SLC6A11: variants seen among roughly 807,000 people sequenced by gnomAD.
The protein encoded by SLC6A11 is solute carrier family 6 member 11.
SLC6A11 carries 25 observed loss-of-function variants against 74.8 expected under a neutral mutation model. That is an observed-to-expected ratio of 0.33 (90% CI 0.24 to 0.47). The LOEUF (loss-of-function observed/expected upper bound fraction) is 0.47, where lower values mean the gene tolerates loss of function less well. Among genes scored for constraint, SLC6A11 ranks in the 20% least tolerant of loss-of-function variants. The pLI is 1.00. For missense variants in SLC6A11, 574 were observed against 837.0 expected, an observed-to-expected ratio of 0.69 and a Z score of 3.88; for synonymous variants, 330 against 330.2, an observed-to-expected ratio of 1.00 and a Z score of 0.01.
At chr3:10,933,990 C>A in intron 11 of SLC6A11, 76 bp from the exon 12 acceptor site, 2 of 969,626 alleles carry the variant, frequency 2.1e-6, no homozygotes, top group African/African-American at 1.6e-5. Context: ...AAAGCAAACA[C>A]TCCTAGCCAT....
chr3:10,912,747 G>A (rs567315692), intron 7 of SLC6A11, among the ~76,000 whole-genome samples: 22 of 152,268 alleles, frequency 1.4e-4, no homozygotes, highest in African/African-American at 3.4e-4. Context: ...CCTCTCACAC[G>A]TGCAGCTTGA....
intron 4 of SLC6A11, among the ~76,000 whole-genome samples, chr3:10,835,248 C>T (rs894775268): frequency 9.2e-5 from 14 of 152,198 alleles, no homozygotes; most frequent in African/African-American, 2.7e-4. Flanking sequence ...GTGACCTGGG[C>T]AGCATTTTTA....
chr3:10,901,547 C>T (rs529053853), intron 6 of SLC6A11, among the ~76,000 whole-genome samples: 1 of 152,230 alleles, frequency 6.6e-6, no homozygotes, highest in Non-Finnish European at 1.5e-5. Flanking sequence ...GGCTGCAGAA[C>T]ATATTTCCAG....
rs1435396533 is a variant in SLC6A11, at chr3:10,819,923, C to T, written c.532+71C>T. The T allele has an allele frequency of 4.6e-6, 7 of 1,529,916 alleles. No individual in the cohort carries two copies. In the East Asian group the frequency reaches 6.7e-5, roughly 15 times the overall value. 94.8% of individuals were successfully genotyped at this position (1,529,916 alleles called of 1,614,324 possible). ...GGGATTGGGGTTTGTTCATGCCCTT[C>T]AGGCCAGTCCTGGTCCCTGGCCTCT... On this transcript the variant is annotated intron_variant, in intron 3 of 13. Transcript: ENST00000254488.
chr3:10,887,057 A>G (rs1219283379), intron 6 of SLC6A11, among the ~76,000 whole-genome samples: 1 of 152,176 alleles, frequency 6.6e-6, no homozygotes, highest in Non-Finnish European at 1.5e-5. Flanking sequence ...CACTGGATGA[A>G]TGTATGGACA....
At chr3:10,900,261 A>T (rs547354612) in intron 6 of SLC6A11, among the ~76,000 whole-genome samples, 31 of 152,280 alleles carry the variant, frequency 2.0e-4, no homozygotes, top group African/African-American at 7.2e-4. Context: ...TTGGCCTGGT[A>T]GTTAGGACTC....
intron 5 of SLC6A11, among the ~76,000 whole-genome samples, chr3:10,870,611 G>A (rs1694818131): frequency 6.6e-6 from 1 of 152,192 alleles, no homozygotes. Context: ...GAAAGATGAT[G>A]TCCAAGTGTC....
At position 10,822,087 on chromosome 3, in the gene SLC6A11, C is replaced by T. The variant is rs545672897; in HGVS notation, c.533-1215C>T. 2.4e-4 allele frequency among the ~76,000 whole-genome samples: 36 copies of T among 152,348 alleles called. No homozygotes were observed. The South Asian group carries it at 2.5e-3, about 11-fold the overall frequency. On this transcript the variant is annotated intron_variant, in intron 3 of 13. Transcript: ENST00000254488. ...CTCTTTCTTCAACTGGTTTGCAATCCCCTTTCTCTAAAGGTGTGTGAACAC... is the reference window on the plus strand; with the variant it reads ...CTCTTTCTTCAACTGGTTTGCAATCTCCTTTCTCTAAAGGTGTGTGAACAC...
chr3:10,853,410 A>C (rs1248399582), intron 5 of SLC6A11, among the ~76,000 whole-genome samples: 3 of 152,346 alleles, frequency 2.0e-5, no homozygotes, highest in African/African-American at 2.4e-5. Context: ...ACCCCAGTGC[A>C]GTCGGGATTG....
In SLC6A11 at chr3:10,933,151, G is replaced by A. The variant is rs200516306; in HGVS notation, c.1372G>A (p.Gly458Ser). ...CGTGTGTCTGTTCCCCGACCTGCAGGGTGGCATGTACATCTTCCAGCTCTT... is the reference window on the plus strand; with the variant it reads ...CGTGTGTCTGTTCCCCGACCTGCAGAGTGGCATGTACATCTTCCAGCTCTT... The part of the protein sequence containing the change: ...YFLGLVMLTE[G>S]GMYIFQLFDS... Residue 458 changes from glycine (G) to serine (S), a missense_variant and splice_region_variant, in exon 11 of 14, where the codon GGT becomes AGT. Gly to Ser is a moderately conservative substitution (Grantham distance 56, BLOSUM62 0). Around this residue, in one of 4 missense-constraint regions of SLC6A11, gnomAD observed 257 missense variants for 341.5 expected, o/e 0.75. Coordinates refer to ENST00000254488, the MANE Select transcript of SLC6A11 (RefSeq NM_014229.3). The A allele has an allele frequency of 1.2e-5, 19 of 1,612,126 alleles. No individual in the cohort carries two copies. Among genetic ancestry groups the A allele is most frequent in the Non-Finnish European group, 1.2e-5 (14 of 1,178,228 alleles).
intron 4 of SLC6A11, chr3:10,825,187 A>G (rs1694192441): frequency 6.6e-6 from 1 of 152,086 alleles, no homozygotes; most frequent in Admixed American, 6.6e-5. Context: ...TCTCAAAAAA[A>G]AAAAAAAAAA....
chr3:10,852,998 T>C (rs1234358747), intron 5 of SLC6A11, among the ~76,000 whole-genome samples: 5 of 152,152 alleles, frequency 3.3e-5, no homozygotes, highest in Non-Finnish European at 7.4e-5. Flanking sequence ...ACTTGCCAAC[T>C]GTGTGAGTTA....
intron 6 of SLC6A11, among the ~76,000 whole-genome samples, chr3:10,904,369 G>A (rs1695277238): frequency 6.6e-6 from 1 of 152,158 alleles, no homozygotes; most frequent in South Asian, 2.1e-4. Flanking sequence ...CCCAGAGCTG[G>A]AGGTGGGACC....
intron 9 of SLC6A11, among the ~76,000 whole-genome samples, chr3:10,927,835 T>A (rs568626957): frequency 6.6e-6 from 1 of 152,118 alleles, no homozygotes; most frequent in Non-Finnish European, 1.5e-5. Context: ...CAGAGGTGAA[T>A]CAGAAAGGAT....
chr3:10,926,167 G>A lies in SLC6A11; in HGVS notation c.1233+51G>A, dbSNP rs1440968339. 2.3e-6 allele frequency: 3 copies of A among 1,278,780 alleles called. No homozygotes were observed. Among genetic ancestry groups the A allele is most frequent in the African/African-American group, 1.5e-5 (1 of 67,548 alleles). 79.2% of individuals were successfully genotyped at this position (1,278,780 alleles called of 1,614,324 possible). A position where few individuals can be genotyped will look rare whatever the true frequency, so the allele number is the denominator to read the frequency against. On this transcript the variant is annotated intron_variant, in intron 9 of 13. Transcript: ENST00000254488. This position sits in a 1 kb window ranked among gnomAD's most constrained non-coding sequence, Gnocchi z 5.7. Reference sequence around the variant, plus strand: ...CCAGGAGGGAGGGGAGCCTGGGCCAGGAGGCCAGACGCCACCCTTAGGAGT... The same window carrying A: ...CCAGGAGGGAGGGGAGCCTGGGCCAAGAGGCCAGACGCCACCCTTAGGAGT...
chr3:10,862,299 G>T (rs950543157), intron 5 of SLC6A11, among the ~76,000 whole-genome samples: 4 of 152,180 alleles, frequency 2.6e-5, no homozygotes, highest in Non-Finnish European at 5.9e-5. Flanking sequence ...GCTGGGCACT[G>T]TTGGAATGTT....
chr3:10,898,617 C>T (rs1695199961), intron 6 of SLC6A11, among the ~76,000 whole-genome samples: 1 of 152,234 alleles, frequency 6.6e-6, no homozygotes, highest in Non-Finnish European at 1.5e-5. Context: ...CTGAGACCAC[C>T]TCAGCCTGGA....
chr3:10,855,796 G>A (rs1010469675), intron 5 of SLC6A11, among the ~76,000 whole-genome samples: 13 of 152,168 alleles, frequency 8.5e-5, no homozygotes, highest in Admixed American at 2.6e-4. Context: ...TTAATTTCCC[G>A]GAAGCAGGAG....
intron 6 of SLC6A11, among the ~76,000 whole-genome samples, chr3:10,905,302 A>G (rs1412970487): frequency 2.2e-4 from 34 of 152,174 alleles, no homozygotes; most frequent in Admixed American, 2.2e-3. Flanking sequence ...GTGGCCAATG[A>G]TATGTATTTG....
Sources: gnomAD v4.1 joint callset for allele counts (sites outside exome capture counted in the v4.1 genomes callset) on GRCh38, gnomAD v4.1.1 for gene constraint, gnomAD v4.1.1 regional missense constraint, Gnocchi (gnomAD v3.1) non-coding constraint, MANE v1.5 for transcripts, NCBI Gene and HGNC (gene_info 2026-07-23, HGNC 2026-07-21) for gene names.